The following KCNN2 variants were observed in gnomAD, a reference collection of about 807,000 sequenced individuals.
The protein encoded by KCNN2 is small conductance calcium-activated potassium channel protein 2.
KCNN2 carries 24 observed loss-of-function variants against 55.5 expected under a neutral mutation model. The ratio of observed to expected loss-of-function variants is 0.43; its 90% confidence interval spans 0.31 to 0.61. The LOEUF (loss-of-function observed/expected upper bound fraction) is 0.61. Ranked by LOEUF, KCNN2 falls within the 20% of genes least tolerant of loss-of-function variation. The probability of loss-of-function intolerance (pLI) is 0.08; values close to 1 mark genes in which losing one functional copy is unlikely to be tolerated. For synonymous variants in KCNN2, 431 were observed against 336.1 expected, an observed-to-expected ratio of 1.28 and a Z score of -3.09; for missense variants, 754 against 853.6, an observed-to-expected ratio of 0.88 and a Z score of 1.45.
intron 2 of KCNN2, among the ~76,000 whole-genome samples, chr5:114,259,096 C>G (rs1755046382): frequency 6.6e-6 from 1 of 152,216 alleles, no homozygotes; most frequent in Non-Finnish European, 1.5e-5. Context: ...ATATTCCTCC[C>G]TTGCAGAGCT....
intron 1 of KCNN2, among the ~76,000 whole-genome samples, chr5:114,155,376 C>T (rs1357599016): frequency 6.6e-6 from 1 of 152,030 alleles, no homozygotes; most frequent in Non-Finnish European, 1.5e-5. Flanking sequence ...TATGATGGAA[C>T]AATTTATATT....
At chr5:114,327,827 A>G (rs1299716343) in intron 2 of KCNN2, among the ~76,000 whole-genome samples, 1 of 152,138 alleles carries the variant, frequency 6.6e-6, no homozygotes, top group Non-Finnish European at 1.5e-5. Context: ...AATCAAACAG[A>G]TATATGTCAA....
At chr5:114,080,890 T>A (rs1750799415) in intron 1 of KCNN2, among the ~76,000 whole-genome samples, 1 of 152,086 alleles carries the variant, frequency 6.6e-6, no homozygotes, top group Non-Finnish European at 1.5e-5. Flanking sequence ...GAAGTAAAAT[T>A]ATCTCTGTTC....
chr5:114,056,799 T>C (rs1158816625), intron 1 of KCNN2, among the ~76,000 whole-genome samples: 1 of 152,190 alleles, frequency 6.6e-6, no homozygotes, highest in Non-Finnish European at 1.5e-5. Context: ...CTTTCTCGGC[T>C]CTCCTCTTTT....
intron 2 of KCNN2, among the ~76,000 whole-genome samples, chr5:114,356,186 A>G (rs144029204): frequency 2.6e-5 from 4 of 152,274 alleles, no homozygotes; most frequent in Non-Finnish European, 4.4e-5. Flanking sequence ...CTAGCTAGCT[A>G]TGTCACCTTG....
intron 2 of KCNN2, chr5:114,253,662 C>G (rs1277384064): frequency 6.6e-6 from 1 of 152,272 alleles, no homozygotes; most frequent in East Asian, 1.9e-4. Context: ...ACGACCTTGT[C>G]CCCAGTCCAG....
At chr5:114,144,190 G>A (rs1021003063) in intron 1 of KCNN2, among the ~76,000 whole-genome samples, 1 of 152,130 alleles carries the variant, frequency 6.6e-6, no homozygotes, top group African/African-American at 2.4e-5. Flanking sequence ...GACTCATTAT[G>A]TTGAAACGGA....
chr5:114,158,557 G>A (rs1165294426), intron 1 of KCNN2, among the ~76,000 whole-genome samples: 1 of 152,006 alleles, frequency 6.6e-6, no homozygotes, highest in Non-Finnish European at 1.5e-5. Flanking sequence ...TTGGTAGCTT[G>A]ATGGGGATGG....
At chr5:114,075,399 TTG>T (rs1750664837) in intron 1 of KCNN2, among the ~76,000 whole-genome samples, 2 of 152,184 alleles carry the variant, frequency 1.3e-5, no homozygotes, top group African/African-American at 4.8e-5. Flanking sequence ...GGCTGATAAT[TTG>T]CTAAAAAATT....
At chr5:114,092,152 G>A (rs1011102526) in intron 1 of KCNN2, among the ~76,000 whole-genome samples, 2 of 152,304 alleles carry the variant, frequency 1.3e-5, no homozygotes, top group East Asian at 1.9e-4. Context: ...ATAATTGAGC[G>A]GGGGTGGGTA....
chr5:114,296,074 T>C (rs950145268), intron 2 of KCNN2, among the ~76,000 whole-genome samples: 1 of 152,208 alleles, frequency 6.6e-6, no homozygotes, highest in Admixed American at 6.5e-5. Flanking sequence ...CTCATAGATA[T>C]ACTGTACTCT....
chr5:114,228,560 T>G (rs970287321), intron 2 of KCNN2, among the ~76,000 whole-genome samples: 1 of 152,054 alleles, frequency 6.6e-6, no homozygotes, highest in African/African-American at 2.4e-5. Context: ...CTGGGAAAAG[T>G]TGGAAAATTT....
chr5:114,102,062 A>G (rs1393760420), intron 1 of KCNN2, among the ~76,000 whole-genome samples: 1 of 152,058 alleles, frequency 6.6e-6, no homozygotes, highest in Non-Finnish European at 1.5e-5. Context: ...GTGAAAAAGC[A>G]TTCTTATTTC....
chr5:114,107,515 G>A (rs1751514180), intron 1 of KCNN2, among the ~76,000 whole-genome samples: 1 of 151,866 alleles, frequency 6.6e-6, no homozygotes, highest in African/African-American at 2.4e-5. Flanking sequence ...CTCCTGAATA[G>A]CTGGGACTAC....
chr5:114,283,133 C>T (rs769488774), intron 2 of KCNN2, among the ~76,000 whole-genome samples: 3 of 152,094 alleles, frequency 2.0e-5, no homozygotes, highest in Non-Finnish European at 4.4e-5. Context: ...TTAAACATTG[C>T]TTCTGCCTCA....
intron 2 of KCNN2, among the ~76,000 whole-genome samples, chr5:114,234,242 G>A (rs766754543): frequency 9.2e-5 from 14 of 152,024 alleles, no homozygotes; most frequent in Non-Finnish European, 1.8e-4. Context: ...ATTTGACAAT[G>A]TTTTTCATAA....
chr5:114,435,724 G>A (rs1410169511), intron 3 of KCNN2, among the ~76,000 whole-genome samples: 1 of 151,878 alleles, frequency 6.6e-6, no homozygotes, highest in African/African-American at 2.4e-5. Context: ...TTTCATTTAA[G>A]CATTCTACAT....
intron 1 of KCNN2, among the ~76,000 whole-genome samples, chr5:114,152,487 G>T (rs1296318690): frequency 1.3e-5 from 2 of 152,130 alleles, no homozygotes; most frequent in Non-Finnish European, 2.9e-5. Flanking sequence ...CTGTACAATA[G>T]GTGTGCTCTT....
Position 114,421,426 on chromosome 5 carries a change from G to A in KCNN2, c.1637+16570G>A, listed in dbSNP as rs111355874. 8.9e-3 allele frequency among the ~76,000 whole-genome samples: 1,356 copies of A among 152,180 alleles called. 22 individuals are homozygous for A. The highest frequency in any genetic ancestry group is 0.03 in the African/African-American group (1,259 of 41,516). On this transcript the variant is annotated intron_variant, in intron 3 of 7. Coordinates refer to ENST00000673685, the MANE Select transcript of KCNN2 (RefSeq NM_021614.4). ...CTGCCTCAGCCTCCCGAGTAGCTGGGATTACAGGCACCTGCCACCATGCCC... is the reference window on the plus strand; with the variant it reads ...CTGCCTCAGCCTCCCGAGTAGCTGGAATTACAGGCACCTGCCACCATGCCC...
Sources: gnomAD v4.1 joint callset for allele counts (sites outside exome capture counted in the v4.1 genomes callset) on GRCh38, gnomAD v4.1.1 for gene constraint, MANE v1.5 for transcripts, NCBI Gene and HGNC (gene_info 2026-07-23, HGNC 2026-07-21) for gene names.